GABRA3: variants seen among roughly 807,000 people sequenced by gnomAD.
The protein encoded by GABRA3 is gamma-aminobutyric acid receptor subunit alpha-3.
Under a neutral mutation model 30.1 loss-of-function variants are expected in GABRA3, and 10 were observed. The observed-to-expected ratio is 0.33, with a 90% CI of 0.20 to 0.56. The LOEUF (loss-of-function observed/expected upper bound fraction) is 0.56. Among genes scored for constraint, GABRA3 ranks in the 20% least tolerant of loss-of-function variants. The probability of loss-of-function intolerance (pLI) is 0.89; values close to 1 mark genes in which losing one functional copy is unlikely to be tolerated. For synonymous variants in GABRA3, 151 were observed against 146.8 expected (o/e 1.03, Z -0.21); for missense variants, 233 against 392.0 (o/e 0.59, Z 3.42).
intron 1 of GABRA3, among the ~76,000 whole-genome samples, chrX:152,443,854 T>G (rs909797856): frequency 8.9e-6 from 1 of 111,823 alleles, no homozygotes; most frequent in Admixed American, 9.5e-5. Context: ...ATGGTAGAAA[T>G]TGAAAACTGA....
At chrX:152,383,270 T>A (rs1215287503) in intron 1 of GABRA3, among the ~76,000 whole-genome samples, 1 of 106,055 alleles carries the variant, frequency 9.4e-6, no homozygotes, top group Non-Finnish European at 1.9e-5. Context: ...GCGCCTATAG[T>A]CCCAGCTACT....
At position 152,189,749 on chromosome X, in the gene GABRA3, G is replaced by A. The variant is rs990688073; in HGVS notation, c.1124C>T (p.Pro375Leu). 9 of 1,206,618 alleles carry A rather than the reference G, an allele frequency of 7.5e-6. No individual in the cohort carries two copies. The highest frequency in any genetic ancestry group is 1.0e-5 in the Non-Finnish European group (9 of 892,063). ...TCTCACCTTCATCTCCAGGGCCTCT[G>A]GCACCTTCTTGCCTTCCCAAGCCCA... ...RSWAWEGKKV[P>L]EALEMKKKTP... Residue 375 changes from proline to leucine, a missense_variant, in exon 9 of 10, where the codon CCA becomes CTA. Physicochemically the swap from Pro to Leu is moderately conservative, Grantham distance 98. This residue lies in a region of GABRA3 where 66 missense variants were observed against 57.1 expected (regional missense o/e 1.16). Coordinates refer to ENST00000370314, the MANE Select transcript of GABRA3 (RefSeq NM_000808.4).
intron 5 of GABRA3, among the ~76,000 whole-genome samples, chrX:152,241,548 C>G (rs12388915): frequency 4.0e-4 from 43 of 108,225 alleles, no homozygotes; most frequent in Middle Eastern, 5.0e-3. Flanking sequence ...TCGAGCTTCC[C>G]GGCTGCTTTG....
rs139871011 is a variant in GABRA3 at position 152,283,142 on chromosome X, C to A, written c.330+1526G>T. Among the ~76,000 whole-genome samples the A allele has an allele frequency of 2.1e-3, 238 of 111,119 alleles. 1 individual carries two copies. Among genetic ancestry groups the A allele is most frequent in the African/African-American group, 7.6e-3 (232 of 30,605 alleles). On this transcript the variant is annotated intron_variant, in intron 4 of 9. Transcript: ENST00000370314. Reference sequence around the variant, plus strand: ...CAACTGGCAACAATGTTAACACATGCCTGGATTTTAACACATGCCTGTGGG... The same window carrying A: ...CAACTGGCAACAATGTTAACACATGACTGGATTTTAACACATGCCTGTGGG...
chrX:152,199,370 A>T (rs955775699), intron 7 of GABRA3, among the ~76,000 whole-genome samples: 5 of 108,338 alleles, frequency 4.6e-5, no homozygotes, highest in African/African-American at 1.3e-4. Context: ...GTCTCAAAAA[A>T]AAAAAAATAA....
At chrX:152,412,005 G>C (rs992408564) in intron 1 of GABRA3, among the ~76,000 whole-genome samples, 20 of 111,003 alleles carry the variant, frequency 1.8e-4, no homozygotes, top group Non-Finnish European at 1.1e-4. Context: ...ATTTTTTTCA[G>C]TGGGCTAAGG....
chrX:152,320,739 C>CA (rs771490591), intron 3 of GABRA3, among the ~76,000 whole-genome samples: 41 of 110,301 alleles, frequency 3.7e-4, no homozygotes, highest in African/African-American at 1.1e-3. Context: ...ATCTAAAAAA[C>CA]AAAAAAAATA....
intron 3 of GABRA3, among the ~76,000 whole-genome samples, chrX:152,320,836 C>T (rs1243674069): frequency 3.6e-5 from 4 of 112,050 alleles, no homozygotes; most frequent in Non-Finnish European, 7.5e-5. Context: ...TAACATTAAT[C>T]ACACAGAGGA....
At chrX:152,391,230 G>C (rs1457202300) in intron 1 of GABRA3, among the ~76,000 whole-genome samples, 1 of 111,542 alleles carries the variant, frequency 9.0e-6, no homozygotes, top group Non-Finnish European at 1.9e-5. Flanking sequence ...ATCAGTTCAG[G>C]AGTAGACAAT....
At chrX:152,218,384 GTC>G (rs1158039661) in intron 6 of GABRA3, among the ~76,000 whole-genome samples, 1 of 110,429 alleles carries the variant, frequency 9.1e-6, no homozygotes, top group African/African-American at 3.3e-5. Flanking sequence ...CTAATATATG[GTC>G]TACCTCAGAA....
chrX:152,288,301 G>A (rs1453363811), intron 3 of GABRA3, among the ~76,000 whole-genome samples: 1 of 111,972 alleles, frequency 8.9e-6, no homozygotes, highest in African/African-American at 3.2e-5. Flanking sequence ...ACATGGAGAA[G>A]AACCCTGATG....
chrX:152,370,506 C>T (rs1048031028), intron 1 of GABRA3, among the ~76,000 whole-genome samples: 3 of 111,993 alleles, frequency 2.7e-5, no homozygotes, highest in African/African-American at 9.7e-5. Flanking sequence ...TCTGGATATA[C>T]CACATAGAAA....
intron 3 of GABRA3, among the ~76,000 whole-genome samples, chrX:152,333,589 T>G (rs756800738): frequency 1.8e-5 from 2 of 111,838 alleles, no homozygotes; most frequent in East Asian, 5.6e-4. Flanking sequence ...CAATCATATC[T>G]CTACATAGCT....
chrX:152,380,514 G>A (rs190461947), intron 1 of GABRA3, among the ~76,000 whole-genome samples: 2 of 111,573 alleles, frequency 1.8e-5, no homozygotes, highest in African/African-American at 6.5e-5. Flanking sequence ...TGGCCACTTA[G>A]GTTGCTACCA....
intron 6 of GABRA3, among the ~76,000 whole-genome samples, chrX:152,214,909 G>C (rs1247125254): frequency 9.2e-6 from 1 of 108,441 alleles, no homozygotes; most frequent in Non-Finnish European, 1.9e-5. Context: ...TTTTGTATGT[G>C]GATTTTGTAT....
At chrX:152,176,166 A>G (rs943227839) in intron 9 of GABRA3, among the ~76,000 whole-genome samples, 24 of 111,289 alleles carry the variant, frequency 2.2e-4, no homozygotes, top group African/African-American at 7.8e-4. Context: ...AAAATTCAAA[A>G]AAGATGGTAA....
chrX:152,350,680 C>T (rs757180163), intron 2 of GABRA3, among the ~76,000 whole-genome samples: 1 of 111,897 alleles, frequency 8.9e-6, no homozygotes, highest in African/African-American at 3.2e-5. Flanking sequence ...TTTTGACCTG[C>T]TCCTCTGAAT....
intron 1 of GABRA3, among the ~76,000 whole-genome samples, chrX:152,430,780 A>G (rs751865255): frequency 2.4e-4 from 27 of 111,786 alleles, no homozygotes; most frequent in Non-Finnish European, 4.5e-4. Context: ...AAAGTTGAAG[A>G]TATCTTCCAA....
intron 4 of GABRA3, among the ~76,000 whole-genome samples, chrX:152,284,225 A>G (rs1352877805): frequency 9.0e-6 from 1 of 111,718 alleles, no homozygotes; most frequent in African/African-American, 3.3e-5. Flanking sequence ...CATTCTGGCC[A>G]GTCCATGTCC....
Sources: gnomAD v4.1 joint callset for allele counts (sites outside exome capture counted in the v4.1 genomes callset) on GRCh38, gnomAD v4.1.1 for gene constraint, gnomAD v4.1.1 regional missense constraint, MANE v1.5 for transcripts, NCBI Gene and HGNC (gene_info 2026-07-23, HGNC 2026-07-21) for gene names.